Variants in VPS35L observed in about 807,000 individuals in gnomAD.
The protein encoded by VPS35L is VPS35 endosomal protein-sorting factor-like.
VPS35L carries 83 observed loss-of-function variants against 133.0 expected under a neutral mutation model. The observed-to-expected ratio is 0.62, with a 90% confidence interval of 0.52 to 0.75. VPS35L has a LOEUF of 0.75. Ranked by LOEUF, VPS35L falls within the 30% of genes least tolerant of loss-of-function variation. The probability of loss-of-function intolerance (pLI) is 0.00; values close to 1 mark genes in which losing one functional copy is unlikely to be tolerated. For missense variants in VPS35L, 1,083 were observed against 1,206.8 expected (o/e 0.90, Z 1.52); for synonymous variants, 423 against 449.9 (o/e 0.94, Z 0.76).
At chr16:19,616,870 T>G (rs1428688240) in intron 14 of VPS35L, 62 bp downstream of exon 14, 1 of 1,609,928 alleles carries the variant, frequency 6.2e-7, no homozygotes, top group Non-Finnish European at 8.5e-7. Context: ...CCCTGCCCAC[T>G]GTGCCCTTTA....
rs561313816 is a variant in VPS35L, at chr16:19,613,933, C to T, written c.1024-2181C>T. Among the ~76,000 whole-genome samples, 3 of 152,286 alleles carry T rather than the reference C, an allele frequency of 2.0e-5. No individual in the cohort carries two copies. The South Asian group carries it at 6.2e-4, about 32-fold the overall frequency. On this transcript the variant is annotated intron_variant, in intron 12 of 30. Coordinates refer to ENST00000417362, the MANE Select transcript of VPS35L (RefSeq NM_020314.7). ...GGAATCATGAGCAATACCCTTGCTG[C>T]TCTGGGTAGAAATCTTTTAGACCCA...
intron 26 of VPS35L, among the ~76,000 whole-genome samples, chr16:19,653,225 A>G (rs1263292515): frequency 6.6e-6 from 1 of 152,144 alleles, no homozygotes; most frequent in African/African-American, 2.4e-5. Flanking sequence ...GGAAAGCCCA[A>G]GTGTTTGCTG....
chr16:19,635,493 G>A (rs539668170), intron 19 of VPS35L, among the ~76,000 whole-genome samples: 19 of 152,306 alleles, frequency 1.2e-4, no homozygotes, highest in African/African-American at 3.9e-4. Context: ...AATGCAGTGC[G>A]CAATCTCAGA....
chr16:19,579,412 A>C (rs1042659228), intron 6 of VPS35L: 3 of 299,108 alleles, frequency 1.0e-5, no homozygotes, highest in Non-Finnish European at 1.9e-5. Flanking sequence ...AACCAACTGC[A>C]AGGCCAGGCG....
intron 27 of VPS35L, 51 bp from the exon 28 acceptor site, chr16:19,682,174 C>A: frequency 6.3e-7 from 1 of 1,585,936 alleles, no homozygotes; most frequent in South Asian, 1.1e-5. Context: ...TTCTTTTTCC[C>A]TCCCTGCTTC....
chr16:19,693,553 G>A (rs1386750835), intron 29 of VPS35L, among the ~76,000 whole-genome samples: 1 of 152,122 alleles, frequency 6.6e-6, no homozygotes, highest in East Asian at 1.9e-4. Context: ...GGCTGAGGTG[G>A]GCGGATCACT....
At position 19,616,761 on chromosome 16, in the gene VPS35L, C is replaced by T. The variant is rs751663302; in HGVS notation, c.1177C>T (p.Pro393Ser). Residue 393 changes from proline (P) to serine (S), a missense_variant, in exon 14 of 31, where the codon CCT becomes TCT. By Grantham distance (74) the Pro-to-Ser change is moderately conservative. Coordinates refer to ENST00000417362, the MANE Select transcript of VPS35L (RefSeq NM_020314.7). ...ELPSYLPLYP[P>S]AMDWIFQCIS... ...CCCATCTTACCTCCCCTTGTACCCG[C>T]CTGCCATGGACTGGATCTTCCAGTG... is the stretch of plus-strand genomic sequence containing the variant. The T allele has an allele frequency of 1.9e-6, 3 of 1,614,184 alleles. No homozygotes were observed. The highest frequency in any genetic ancestry group is 2.2e-5 in the South Asian group (2 of 91,074).
At chr16:19,601,805 A>G in intron 9 of VPS35L, 82 bp downstream of exon 9, 24 of 1,405,380 alleles carry the variant, frequency 1.7e-5, no homozygotes, top group Non-Finnish European at 2.4e-5. Flanking sequence ...GATTCATTGA[A>G]GCTTGATAAA....
intron 23 of VPS35L, among the ~76,000 whole-genome samples, chr16:19,645,985 C>T (rs538124553): frequency 1.3e-5 from 2 of 151,592 alleles, no homozygotes; most frequent in African/African-American, 4.8e-5. Context: ...TTGGGGGGGT[C>T]GAGACAGGGG....
chr16:19,627,552 C>T (rs1437681883), intron 15 of VPS35L, 142 bp from the exon 16 acceptor site: 5 of 650,836 alleles, frequency 7.7e-6, no homozygotes, highest in Non-Finnish European at 1.4e-5. Context: ...CTCCAGTTTA[C>T]CTTTTTACTC....
intron 26 of VPS35L, among the ~76,000 whole-genome samples, chr16:19,667,746 A>C (rs1375227891): frequency 1.3e-5 from 2 of 151,850 alleles, no homozygotes; most frequent in Non-Finnish European, 2.9e-5. Context: ...AAAAAAAAAA[A>C]AAAAACCAGA....
At chr16:19,564,684 C>G (rs1233231062) in intron 1 of VPS35L, among the ~76,000 whole-genome samples, 167 bp from the exon 2 acceptor site, 1 of 152,238 alleles carries the variant, frequency 6.6e-6, no homozygotes, top group African/African-American at 2.4e-5. Flanking sequence ...CAGATGTGAG[C>G]CACTGCGCCT....
intron 27 of VPS35L, among the ~76,000 whole-genome samples, chr16:19,673,238 A>G (rs1189499703): frequency 1.3e-5 from 2 of 152,262 alleles, no homozygotes; most frequent in Middle Eastern, 3.2e-3. Flanking sequence ...CTTGCTGGCT[A>G]TGTCCTGATG....
chr16:19,642,004 G>C (rs1041243288), intron 21 of VPS35L, among the ~76,000 whole-genome samples: 1 of 152,214 alleles, frequency 6.6e-6, no homozygotes, highest in African/African-American at 2.4e-5. Context: ...GAGGCCAGGA[G>C]TTCGAGAGCA....
intron 5 of VPS35L, among the ~76,000 whole-genome samples, chr16:19,575,993 T>TAAAA (rs768432545): frequency 1.2e-5 from 1 of 82,950 alleles, no homozygotes; most frequent in African/African-American, 4.6e-5. Flanking sequence ...CCATCTCTAC[T>TAAAA]AAAAAAAAAA....
chr16:19,683,763 C>T lies in VPS35L; in HGVS notation c.2527+1373C>T, dbSNP rs112731616. Among the ~76,000 whole-genome samples, 826 of 152,312 alleles carry T rather than the reference C, an allele frequency of 5.4e-3. 3 individuals are homozygous for T. Among genetic ancestry groups the T allele is most frequent in the African/African-American group, 0.019 (799 of 41,560 alleles). ...TGCGAATAGTGCTGCAGTGAACATA[C>T]GTGTGCATGTGTCCTTTCAGTAGAA... On this transcript the variant is annotated intron_variant, in intron 28 of 30. Coordinates refer to ENST00000417362, the MANE Select transcript of VPS35L (RefSeq NM_020314.7).
At chr16:19,638,053 GT>G (rs1337825824) in intron 20 of VPS35L, among the ~76,000 whole-genome samples, 1 of 152,104 alleles carries the variant, frequency 6.6e-6, no homozygotes, top group Admixed American at 6.6e-5. Flanking sequence ...ACTAGTAGTT[GT>G]TTCAGTGTCT....
intron 25 of VPS35L, among the ~76,000 whole-genome samples, chr16:19,651,568 G>A (rs1974122868): frequency 6.6e-6 from 1 of 152,124 alleles, no homozygotes; most frequent in South Asian, 2.1e-4. Flanking sequence ...ATACTGAAAA[G>A]ATTACAGTAA....
chr16:19,605,857 C>T (rs1034468974), intron 9 of VPS35L, among the ~76,000 whole-genome samples: 4 of 150,378 alleles, frequency 2.7e-5, no homozygotes, highest in Non-Finnish European at 4.5e-5. Context: ...GCATTTGTCT[C>T]ACCCCACTGG....
Sources: gnomAD v4.1 joint callset for allele counts (sites outside exome capture counted in the v4.1 genomes callset) on GRCh38, gnomAD v4.1.1 for gene constraint, MANE v1.5 for transcripts, NCBI Gene and HGNC (gene_info 2026-07-23, HGNC 2026-07-21) for gene names.